The following ADAM18 variants were observed in gnomAD, a reference collection of about 807,000 sequenced individuals.
ADAM18 encodes the protein ADAM metallopeptidase domain 18, also known as disintegrin and metalloproteinase domain-containing protein 18.
ADAM18 carries 117 observed loss-of-function variants against 94.4 expected under a neutral mutation model. That is an observed-to-expected ratio of 1.24 (90% CI 1.07 to 1.45). The LOEUF (loss-of-function observed/expected upper bound fraction) is 1.45. ADAM18 is among the 40% of genes most tolerant of loss of function. ADAM18 has a pLI of 0.00. For missense variants in ADAM18, 936 were observed against 880.0 expected (o/e 1.06, Z -0.81); for synonymous variants, 327 against 291.6 (o/e 1.12, Z -1.24).
chr8:39,696,541 A>T (rs1235752978), intron 17 of ADAM18, among the ~76,000 whole-genome samples: 1 of 151,488 alleles, frequency 6.6e-6, no homozygotes, highest in African/African-American at 2.4e-5. Flanking sequence ...ATTTTGAGTT[A>T]ATGTTGGTAT....
chr8:39,658,000 A>G (rs1820734221), intron 12 of ADAM18, among the ~76,000 whole-genome samples: 2 of 152,160 alleles, frequency 1.3e-5, no homozygotes, highest in South Asian at 4.1e-4. Flanking sequence ...ATCCAGCTGT[A>G]TGCTCTCTAC....
Position 39,637,618 on chromosome 8 carries a change from G to A in ADAM18, c.742G>A (p.Asp248Asn), listed in dbSNP as rs1430197793. Residue 248 changes from aspartate to asparagine, a missense_variant, in exon 9 of 20, where the codon GAT becomes AAT. Transcript: ENST00000265707. ...SNENQISTSG[D>N]ADDILQRFLA... is the part of the protein sequence containing the mutation. ...TGAAAACCAGATTTCCACCAGTGGGGATGCTGATGATATATTACAAAGATT... is the reference window on the plus strand; with the variant it reads ...TGAAAACCAGATTTCCACCAGTGGGAATGCTGATGATATATTACAAAGATT... The A allele has an allele frequency of 2.5e-6, 4 of 1,612,838 alleles. No individual in the cohort carries two copies. In the East Asian group the frequency reaches 8.9e-5, roughly 36 times the overall value.
chr8:39,706,084 C>T (rs965083171), intron 17 of ADAM18, among the ~76,000 whole-genome samples: 1 of 151,882 alleles, frequency 6.6e-6, no homozygotes, highest in African/African-American at 2.4e-5. Context: ...TTGAATTTTA[C>T]AAAATATGTA....
chr8:39,687,749 G>T (rs767893575), intron 16 of ADAM18, among the ~76,000 whole-genome samples: 13 of 152,136 alleles, frequency 8.5e-5, no homozygotes, highest in Non-Finnish European at 1.5e-4. Flanking sequence ...GCATTAGTTT[G>T]CTTAGGATAA....
At chr8:39,703,111 G>A (rs1193443148) in intron 17 of ADAM18, among the ~76,000 whole-genome samples, 5 of 152,186 alleles carry the variant, frequency 3.3e-5, no homozygotes, top group South Asian at 4.1e-4. Flanking sequence ...CTTCCTATCC[G>A]TGAGCATGGA....
At chr8:39,655,047 C>T (rs1480370022) in intron 12 of ADAM18, among the ~76,000 whole-genome samples, 2 of 151,872 alleles carry the variant, frequency 1.3e-5, no homozygotes, top group Non-Finnish European at 2.9e-5. Flanking sequence ...TTGATGTAAT[C>T]CCATCCATTT....
At chr8:39,686,049 G>A (rs1821598699) in intron 16 of ADAM18, among the ~76,000 whole-genome samples, 1 of 152,132 alleles carries the variant, frequency 6.6e-6, no homozygotes, top group South Asian at 2.1e-4. Context: ...AGAAAACTGA[G>A]GTTTTCTCTA....
In ADAM18 at chr8:39,729,907, C is replaced by T. The variant is rs770491457; in HGVS notation, c.2187C>T (p.Ser729=). 172 of 1,612,762 alleles carry T rather than the reference C, an allele frequency of 1.1e-4. 2 individuals carry two copies. The South Asian group carries it at 1.4e-3, about 13-fold the overall frequency. ...TTTTTCTTCACTATAGTAATTCATCCGTTGTATCAGAAAGCGATGACGTGG... is the reference window on the plus strand; with the variant it reads ...TTTTTCTTCACTATAGTAATTCATCTGTTGTATCAGAAAGCGATGACGTGG... ...RENAEYNRNS[S]VVSESDDVGH Residue 729 remains serine, a synonymous_variant, in exon 20 of 20, where the codon TCC becomes TCT. Coordinates refer to ENST00000265707, the MANE Select transcript of ADAM18 (RefSeq NM_014237.3).
intron 10 of ADAM18, among the ~76,000 whole-genome samples, chr8:39,641,886 A>T (rs533741200): frequency 6.6e-6 from 1 of 152,208 alleles, no homozygotes; most frequent in South Asian, 2.1e-4. Flanking sequence ...TGCAGTGTAT[A>T]AGTGTTCCTC....
At chr8:39,656,496 A>C (rs1244316069) in intron 12 of ADAM18, among the ~76,000 whole-genome samples, 1 of 152,170 alleles carries the variant, frequency 6.6e-6, no homozygotes, top group Non-Finnish European at 1.5e-5. Context: ...TTGTTGATAA[A>C]TGTGTAAAGG....
intron 2 of ADAM18, among the ~76,000 whole-genome samples, chr8:39,590,779 C>T (rs1818549274): frequency 6.6e-6 from 1 of 152,018 alleles, no homozygotes; most frequent in African/African-American, 2.4e-5. Flanking sequence ...GTAGACACAC[C>T]TCCAAAATTA....
At chr8:39,656,387 A>G (rs1379242458) in intron 12 of ADAM18, among the ~76,000 whole-genome samples, 4 of 152,120 alleles carry the variant, frequency 2.6e-5, no homozygotes, top group Non-Finnish European at 5.9e-5. Flanking sequence ...GCAGTGTAGA[A>G]AGGATGCCTT....
At chr8:39,658,508 T>A (rs1288972864) in intron 12 of ADAM18, among the ~76,000 whole-genome samples, 5 of 152,184 alleles carry the variant, frequency 3.3e-5, no homozygotes, top group Admixed American at 6.5e-5. Context: ...TGGCCTTCTA[T>A]GAGCTGAAAA....
chr8:39,585,837 A>G (rs764936877), intron 2 of ADAM18, among the ~76,000 whole-genome samples: 26 of 152,234 alleles, frequency 1.7e-4, no homozygotes, highest in Non-Finnish European at 2.9e-4. Flanking sequence ...GAAAAATATT[A>G]CAATAAGTAA....
At chr8:39,630,593 C>G (rs1287867196) in intron 7 of ADAM18, among the ~76,000 whole-genome samples, 2 of 151,666 alleles carry the variant, frequency 1.3e-5, no homozygotes. Context: ...AATATAATGT[C>G]TTTAAGATTT....
chr8:39,723,175 A>G (rs897459391), intron 18 of ADAM18, among the ~76,000 whole-genome samples: 2 of 139,418 alleles, frequency 1.4e-5, no homozygotes, highest in Non-Finnish European at 3.1e-5. Context: ...TAAGTATTAA[A>G]AAAACAAAGG....
chr8:39,635,524 T>C (rs1338585123), intron 7 of ADAM18, among the ~76,000 whole-genome samples: 1 of 152,178 alleles, frequency 6.6e-6, no homozygotes, highest in Non-Finnish European at 1.5e-5. Flanking sequence ...GTTAACTTCT[T>C]ATATAATCAT....
intron 6 of ADAM18, among the ~76,000 whole-genome samples, chr8:39,627,570 T>G (rs7824445): frequency 6.6e-6 from 1 of 152,136 alleles, no homozygotes; most frequent in African/African-American, 2.4e-5. Flanking sequence ...CTGGAATGTC[T>G]TTTCCACCCC....
intron 15 of ADAM18, among the ~76,000 whole-genome samples, chr8:39,679,523 G>A (rs569785977): frequency 2.0e-4 from 31 of 152,258 alleles, no homozygotes; most frequent in African/African-American, 7.2e-4. Flanking sequence ...TAACAGATAA[G>A]TTAAATATAC....
Sources: allele counts gnomAD v4.1 joint callset (sites outside exome capture counted in the v4.1 genomes callset), GRCh38; gene constraint gnomAD v4.1.1; transcripts MANE v1.5; gene names NCBI Gene and HGNC (gene_info 2026-07-23, HGNC 2026-07-21).